Variants in PCTP observed in about 807,000 individuals in gnomAD.
PCTP encodes the protein START domain-containing protein 2.
A neutral mutation model predicts 31.0 loss-of-function variants in PCTP; 27 were observed. The observed-to-expected ratio is 0.87, with a 90% CI of 0.64 to 1.20. PCTP has a LOEUF of 1.20. PCTP is among the 50% of genes most tolerant of loss of function. PCTP has a pLI of 0.00. For synonymous variants in PCTP, 108 were observed against 101.2 expected (o/e 1.07, Z -0.40); for missense variants, 287 against 268.2 (o/e 1.07, Z -0.49).
intron 1 of PCTP, among the ~76,000 whole-genome samples, chr17:55,753,428 T>C (rs1399931356): frequency 6.6e-6 from 1 of 152,220 alleles, no homozygotes; most frequent in African/African-American, 2.4e-5. Flanking sequence ...TGCTAAGTGT[T>C]TTGGAAGTAT....
intron 3 of PCTP, among the ~76,000 whole-genome samples, chr17:55,793,711 C>T (rs1261151915): frequency 1.3e-5 from 2 of 152,052 alleles, no homozygotes; most frequent in African/African-American, 4.8e-5. Context: ...AGGCGGTAGT[C>T]GCTGCTCTCA....
downstream of PCTP, among the ~76,000 whole-genome samples, chr17:55,778,042 G>T (rs930645093): frequency 4.6e-5 from 7 of 152,100 alleles, no homozygotes; most frequent in African/African-American, 1.7e-4. Flanking sequence ...TAAGAATGCT[G>T]AGTTTCTAGG....
At chr17:55,780,054 CT>C (rs1292638818), downstream of PCTP, among the ~76,000 whole-genome samples, 1 of 150,082 alleles carries the variant, frequency 6.7e-6, no homozygotes, top group Non-Finnish European at 1.5e-5. Flanking sequence ...CCCCAAGTTC[CT>C]TTTTTTTATA....
At chr17:55,824,366 A>C (rs1385078638), downstream of PCTP, among the ~76,000 whole-genome samples, 1 of 152,192 alleles carries the variant, frequency 6.6e-6, no homozygotes, top group Non-Finnish European at 1.5e-5. Context: ...AAACAGGTAC[A>C]GCCCCAAAGA....
intron 3 of PCTP, among the ~76,000 whole-genome samples, chr17:55,791,911 G>T (rs866918481): frequency 6.6e-6 from 1 of 152,030 alleles, no homozygotes; most frequent in African/African-American, 2.4e-5. Context: ...CAACCCAAAT[G>T]TCCAACAGTG....
the PCTP span, among the ~76,000 whole-genome samples, chr17:55,852,421 G>C: frequency 6.6e-6 from 1 of 152,070 alleles, no homozygotes; most frequent in African/African-American, 2.4e-5. Flanking sequence ...ACTTCACCAG[G>C]TACTGCCAAA....
At position 55,771,168 on chromosome 17, in the gene PCTP, C is replaced by T. The variant is rs537960084; in HGVS notation, c.322C>T (p.Pro108Ser). 4 of 1,610,598 alleles carry T rather than the reference C, an allele frequency of 2.5e-6. No homozygotes were observed. The African/African-American group carries it at 5.3e-5, about 21-fold the overall frequency. Reference protein sequence around the residue: ...VVYWEVKYPFPMSNRDYVYLR... With the variant: ...VVYWEVKYPFSMSNRDYVYLR... ...CTACTGGGAAGTGAAGTACCCTTTT[C>T]CCATGTCCAACAGAGACGTATCCTT... is the stretch of plus-strand genomic sequence containing the variant. Residue 108 changes from proline to serine, a missense_variant, in exon 3 of 6, where the codon CCC (proline) becomes TCC (serine). Transcript: ENST00000268896.
At chr17:55,808,967 G>A (rs1022717209) in intron 3 of PCTP, among the ~76,000 whole-genome samples, 1 of 151,914 alleles carries the variant, frequency 6.6e-6, no homozygotes, top group Non-Finnish European at 1.5e-5. Context: ...AATATCTGGT[G>A]AGGCAATGGT....
chr17:55,836,268 G>A (rs1905773365), intron 5 of PCTP, among the ~76,000 whole-genome samples: 1 of 152,164 alleles, frequency 6.6e-6, no homozygotes, highest in Admixed American at 6.5e-5. Flanking sequence ...GATAGAATTT[G>A]ATAAACTACA....
downstream of PCTP, among the ~76,000 whole-genome samples, chr17:55,826,787 T>C (rs1905412445): frequency 6.6e-6 from 1 of 152,188 alleles, no homozygotes; most frequent in Admixed American, 6.5e-5. Flanking sequence ...CACATGCTCT[T>C]TCTTCTTTCC....
chr17:55,832,395 G>T (rs1429499276), intron 5 of PCTP, among the ~76,000 whole-genome samples: 1 of 152,206 alleles, frequency 6.6e-6, no homozygotes, highest in East Asian at 1.9e-4. Context: ...GGGAAAAGAA[G>T]AAGAGAAATT....
At position 55,777,345 on chromosome 17, in the gene PCTP, C is replaced by G. The variant is rs576438545; in HGVS notation, c.*1245C>G. 21 of 984,762 alleles carry G rather than the reference C, an allele frequency of 2.1e-5. No individual in the cohort carries two copies. In the East Asian group the frequency reaches 2.4e-3, roughly 112 times the overall value. 61.0% of individuals were successfully genotyped at this position (984,762 alleles called of 1,614,324 possible). On this transcript the variant is annotated 3_prime_UTR_variant, in exon 6 of 6. Coordinates refer to ENST00000268896, the MANE Select transcript of PCTP (RefSeq NM_021213.4). ...TTCTTTCTGGGAAGAAAAGTGTGTT[C>G]TATAATGAATAAATATAGAGTGGTT...
At chr17:55,795,970 T>C (rs1411898076) in intron 3 of PCTP, among the ~76,000 whole-genome samples, 1 of 152,046 alleles carries the variant, frequency 6.6e-6, no homozygotes, top group East Asian at 1.9e-4. Context: ...AAAAAAGTGT[T>C]CTGGTGATAG....
At chr17:55,837,308 G>A (rs1353147624) in intron 5 of PCTP, among the ~76,000 whole-genome samples, 1 of 152,186 alleles carries the variant, frequency 6.6e-6, no homozygotes, top group Admixed American at 6.5e-5. Flanking sequence ...GGCCATTCTA[G>A]CTTCCATGTG....
Position 55,776,918 on chromosome 17 carries a change from C to G in PCTP, c.*818C>G. On this transcript the variant is annotated 3_prime_UTR_variant, in exon 6 of 6. Coordinates refer to ENST00000268896, the MANE Select transcript of PCTP (RefSeq NM_021213.4). ...TGAGGCGTCAAGATGGCTGTGGCAG[C>G]TAGCAAAAGCAAAGATGCTTTGTGC... The G allele has an allele frequency of 6.1e-6, 6 of 989,304 alleles. No homozygotes were observed. Among genetic ancestry groups the G allele is most frequent in the Non-Finnish European group, 6.0e-6 (5 of 832,754 alleles). 61.3% of individuals were successfully genotyped at this position (989,304 alleles called of 1,614,324 possible).
At chr17:55,773,677 C>G in intron 3 of PCTP, 47 bp from the exon 4 acceptor site, 1 of 1,550,606 alleles carries the variant, frequency 6.4e-7, no homozygotes, top group Non-Finnish European at 8.8e-7. Context: ...TTCCTTCTGT[C>G]TGTCTACAAT....
At chr17:55,818,843 G>A (rs895085698) in intron 3 of PCTP, among the ~76,000 whole-genome samples, 1 of 151,456 alleles carries the variant, frequency 6.6e-6, no homozygotes, top group Non-Finnish European at 1.5e-5. Flanking sequence ...AAGTGGGAGG[G>A]GTGCATCTTG....
At position 55,751,072 on chromosome 17, in the gene PCTP, C is replaced by T. The variant is rs1163761198; in HGVS notation, c.-32C>T. ...CACACTAAGGGTGTCCGCGGCCTGC[C>T]CTCCAGGCGGAGGAGCCCGGACTGC... is the stretch of plus-strand genomic sequence containing the variant. On this transcript the variant is annotated 5_prime_UTR_variant, in exon 1 of 6. Coordinates refer to ENST00000268896, the MANE Select transcript of PCTP (RefSeq NM_021213.4). 17 of 1,500,256 alleles carry T rather than the reference C, an allele frequency of 1.1e-5. No individual in the cohort carries two copies. The highest frequency in any genetic ancestry group is 7.1e-6 in the Non-Finnish European group (8 of 1,126,520). The allele number at this position is 1,500,256 out of a possible 1,614,324, so 92.9% of individuals were successfully genotyped here.
At chr17:55,815,551 A>T (rs1051081900) in intron 3 of PCTP, among the ~76,000 whole-genome samples, 1 of 152,044 alleles carries the variant, frequency 6.6e-6, no homozygotes, top group African/African-American at 2.4e-5. Context: ...GATCCTAGAT[A>T]CCTTTGTCCC....
Sources: allele counts gnomAD v4.1 joint callset (sites outside exome capture counted in the v4.1 genomes callset), GRCh38; gene constraint gnomAD v4.1.1; transcripts MANE v1.5; gene names NCBI Gene and HGNC (gene_info 2026-07-23, HGNC 2026-07-21).